Variants in LRRTM4 observed in about 807,000 individuals in gnomAD.
The protein encoded by LRRTM4 is leucine rich repeat transmembrane neuronal 4, also known as leucine-rich repeat transmembrane neuronal protein 4.
A neutral mutation model predicts 47.6 loss-of-function variants in LRRTM4; 25 were observed. The observed-to-expected ratio is 0.53, with a 90% CI of 0.38 to 0.73. The LOEUF is 0.73. Among genes scored for constraint, LRRTM4 ranks in the 30% least tolerant of loss-of-function variants. The pLI, the probability that LRRTM4 is intolerant of heterozygous loss-of-function variation, is 0.00. For synonymous variants in LRRTM4, 311 were observed against 269.5 expected (o/e 1.15, Z -1.51); for missense variants, 638 against 713.4 (o/e 0.89, Z 1.20).
chr2:77,261,508 G>C (rs1675918537), intron 3 of LRRTM4, among the ~76,000 whole-genome samples: 2 of 152,060 alleles, frequency 1.3e-5, no homozygotes, highest in South Asian at 2.1e-4. Context: ...GATTCCCCTA[G>C]TGTCTCAAAC....
intron 3 of LRRTM4, among the ~76,000 whole-genome samples, chr2:77,509,129 G>A (rs1403472819): frequency 6.6e-6 from 1 of 151,754 alleles, no homozygotes; most frequent in Non-Finnish European, 1.5e-5. Context: ...CTGCTCAGGA[G>A]GCTGAGGCAG....
At chr2:77,448,896 T>C (rs1676152667) in intron 3 of LRRTM4, among the ~76,000 whole-genome samples, 1 of 152,228 alleles carries the variant, frequency 6.6e-6, no homozygotes, top group Non-Finnish European at 1.5e-5. Context: ...ATGATATTTG[T>C]GGAAAGTGGC....
intron 3 of LRRTM4, among the ~76,000 whole-genome samples, chr2:76,892,002 TA>T (rs150354256): frequency 6.6e-6 from 1 of 151,368 alleles, no homozygotes; most frequent in Admixed American, 6.6e-5. Context: ...AAATTAAAAA[TA>T]AAAAAATTGC....
At chr2:77,518,128 TTAA>T in intron 3 of LRRTM4, 187 bp downstream of exon 3, 1 of 1,254,752 alleles carries the variant, frequency 8.0e-7, no homozygotes, top group South Asian at 3.2e-5. Context: ...TTTCAACCAT[TTAA>T]AAAAAAAAAA....
At chr2:77,435,742 G>A (rs1251481766) in intron 3 of LRRTM4, among the ~76,000 whole-genome samples, 2 of 152,124 alleles carry the variant, frequency 1.3e-5, no homozygotes, top group Non-Finnish European at 2.9e-5. Context: ...TGTTAATAGT[G>A]GCAAGGCTGA....
At chr2:77,437,225 G>C (rs972703079) in intron 3 of LRRTM4, among the ~76,000 whole-genome samples, 1 of 151,912 alleles carries the variant, frequency 6.6e-6, no homozygotes, top group Non-Finnish European at 1.5e-5. Context: ...CAGAAATATC[G>C]TTGATATTTT....
intron 3 of LRRTM4, among the ~76,000 whole-genome samples, chr2:77,279,155 C>T (rs867665616): frequency 1.3e-5 from 2 of 151,980 alleles, no homozygotes; most frequent in Non-Finnish European, 2.9e-5. Context: ...GATCAACTGA[C>T]TCACTGCATT....
intron 3 of LRRTM4, among the ~76,000 whole-genome samples, chr2:76,814,343 A>C (rs1463853831): frequency 1.3e-5 from 2 of 152,128 alleles, no homozygotes; most frequent in African/African-American, 4.8e-5. Context: ...TTTACAAAGT[A>C]AAAGAATTGT....
At chr2:77,068,992 A>T (rs1324931632) in intron 3 of LRRTM4, among the ~76,000 whole-genome samples, 1 of 152,022 alleles carries the variant, frequency 6.6e-6, no homozygotes. Context: ...AGCCAGACCC[A>T]CCCCTTTATT....
chr2:76,954,297 A>C (rs1282842615), intron 3 of LRRTM4, among the ~76,000 whole-genome samples: 1 of 151,926 alleles, frequency 6.6e-6, no homozygotes, highest in Non-Finnish European at 1.5e-5. Context: ...AAAGATGACC[A>C]ATAAGCTCAG....
chr2:77,233,772 CTGTTGT>C (rs139774587), intron 3 of LRRTM4, among the ~76,000 whole-genome samples: 2 of 151,582 alleles, frequency 1.3e-5, no homozygotes, highest in Admixed American at 6.6e-5. Context: ...CTGTTTGTTG[CTGTTGT>C]TGTTGTTGTT....
At chr2:76,887,244 G>A (rs999404761) in intron 3 of LRRTM4, among the ~76,000 whole-genome samples, 1 of 151,698 alleles carries the variant, frequency 6.6e-6, no homozygotes, top group Non-Finnish European at 1.5e-5. Context: ...AGTATCATAT[G>A]TCAAAGTAGA....
At chr2:76,914,412 T>C (rs895808213) in intron 3 of LRRTM4, among the ~76,000 whole-genome samples, 3 of 152,150 alleles carry the variant, frequency 2.0e-5, no homozygotes, top group Non-Finnish European at 4.4e-5. Flanking sequence ...TGTGTCTTTA[T>C]ATTTGGGGTT....
Position 76,956,601 on chromosome 2 carries a change from A to G in LRRTM4, c.1552-207685T>C, listed in dbSNP as rs77331383. Among the ~76,000 whole-genome samples, 1,305 of 151,444 alleles carry G rather than the reference A, an allele frequency of 8.6e-3. 26 individuals carry two copies. Among genetic ancestry groups the G allele is most frequent in the African/African-American group, 0.029 (1,204 of 41,464 alleles). On this transcript the variant is annotated intron_variant, in intron 3 of 3. Coordinates refer to ENST00000409884, the MANE Select transcript of LRRTM4 (RefSeq NM_001134745.3). ...CCTAAAGATAGCAGAAAATGAAAAT[A>G]ATAAACACTTGATAAGAAAAAATAG...
At chr2:77,060,352 T>A (rs1008621786) in intron 3 of LRRTM4, among the ~76,000 whole-genome samples, 1 of 152,170 alleles carries the variant, frequency 6.6e-6, no homozygotes, top group African/African-American at 2.4e-5. Flanking sequence ...AAAGATGCTA[T>A]TGGCTTTATT....
intron 3 of LRRTM4, among the ~76,000 whole-genome samples, chr2:76,926,929 T>A (rs1041176176): frequency 7.9e-5 from 12 of 152,120 alleles, no homozygotes; most frequent in African/African-American, 2.9e-4. Flanking sequence ...CGAAACATCC[T>A]CCTCGTTTCA....
At chr2:76,970,727 T>G (rs1676189856) in intron 3 of LRRTM4, among the ~76,000 whole-genome samples, 1 of 152,046 alleles carries the variant, frequency 6.6e-6, no homozygotes, top group Non-Finnish European at 1.5e-5. Context: ...GCTGTAGCAA[T>G]GTAATTAGAT....
chr2:77,111,682 C>T (rs1018455180), intron 3 of LRRTM4, among the ~76,000 whole-genome samples: 1 of 151,974 alleles, frequency 6.6e-6, no homozygotes, highest in Admixed American at 6.6e-5. Flanking sequence ...TAGTAGCTGT[C>T]TTATTGCAGT....
At chr2:76,806,207 A>G (rs1340787860) in intron 3 of LRRTM4, among the ~76,000 whole-genome samples, 1 of 151,434 alleles carries the variant, frequency 6.6e-6, no homozygotes, top group African/African-American at 2.5e-5. Context: ...CTAGGCACTC[A>G]GAAAAAGGAA....
Sources: allele counts gnomAD v4.1 joint callset (sites outside exome capture counted in the v4.1 genomes callset), GRCh38; gene constraint gnomAD v4.1.1; transcripts MANE v1.5; gene names NCBI Gene and HGNC (gene_info 2026-07-23, HGNC 2026-07-21).